Variants in MCU observed in about 807,000 individuals in gnomAD.
MCU encodes mitochondrial calcium uniporter, also known as calcium uniporter protein, mitochondrial.
A neutral mutation model predicts 45.2 loss-of-function variants in MCU; 12 were observed. The observed-to-expected ratio is 0.27, with a 90% CI of 0.17 to 0.43. MCU has a LOEUF of 0.43. Ranked by LOEUF, MCU falls within the 20% of genes least tolerant of loss-of-function variation. MCU has a pLI of 1.00. For missense variants in MCU, 324 were observed against 436.7 expected, an observed-to-expected ratio of 0.74 and a Z score of 2.30; for synonymous variants, 160 against 165.1, an observed-to-expected ratio of 0.97 and a Z score of 0.24.
chr10:72,706,249 T>C (rs1228444359), intron 1 of MCU, among the ~76,000 whole-genome samples: 2 of 151,832 alleles, frequency 1.3e-5, no homozygotes, highest in African/African-American at 2.4e-5. Context: ...TAGCCATTAC[T>C]AAGCATGAAA....
At position 72,885,939 on chromosome 10, in the gene MCU, T is replaced by A; in HGVS notation, c.*117T>A. On this transcript the variant is annotated 3_prime_UTR_variant, in exon 8 of 8. Transcript: ENST00000373053. The stretch of plus-strand genomic sequence containing the variant: ...GGTAGAGCGTTTTTACCTTTAATTA[T>A]AAAACAAAAACAGAAAGGATCTGAG... 1.4e-6 allele frequency: 1 copy of A among 711,592 alleles called. No homozygotes were observed. Among genetic ancestry groups the A allele is most frequent in the Non-Finnish European group, 2.4e-6 (1 of 417,036 alleles). 44.1% of individuals were successfully genotyped at this position (711,592 alleles called of 1,614,324 possible).
At chr10:72,799,504 A>T (rs2132778321) in intron 1 of MCU, among the ~76,000 whole-genome samples, 1 of 151,730 alleles carries the variant, frequency 6.6e-6, no homozygotes, top group African/African-American at 2.4e-5. Context: ...TTTTTTTTAA[A>T]CAAGATGCGG....
At chr10:72,747,510 T>G (rs1261640859) in intron 1 of MCU, among the ~76,000 whole-genome samples, 1 of 152,116 alleles carries the variant, frequency 6.6e-6, no homozygotes, top group African/African-American at 2.4e-5. Flanking sequence ...CTATTGGTAA[T>G]ACAAAAATTA....
chr10:72,856,859 G>A (rs1454314831), intron 2 of MCU, among the ~76,000 whole-genome samples: 3 of 143,598 alleles, frequency 2.1e-5, no homozygotes, highest in South Asian at 2.2e-4. Context: ...CAAAAGAATC[G>A]CTTGAGCTTG....
At chr10:72,748,107 G>A (rs1272564016) in intron 1 of MCU, among the ~76,000 whole-genome samples, 1 of 151,274 alleles carries the variant, frequency 6.6e-6, no homozygotes, top group Non-Finnish European at 1.5e-5. Flanking sequence ...GAGTGCAATG[G>A]CACGATCTCA....
At chr10:72,841,665 G>A (rs1391540911) in intron 2 of MCU, among the ~76,000 whole-genome samples, 2 of 152,144 alleles carry the variant, frequency 1.3e-5, no homozygotes, top group East Asian at 3.9e-4. Context: ...TCCAAACTTA[G>A]CAATGTGCAC....
chr10:72,800,338 A>G (rs1232284383), intron 1 of MCU, among the ~76,000 whole-genome samples: 2 of 152,182 alleles, frequency 1.3e-5, no homozygotes, highest in Non-Finnish European at 2.9e-5. Context: ...GCCTATGTGT[A>G]TAAGGTGTAT....
chr10:72,871,211 A>G (rs144439886), intron 5 of MCU, among the ~76,000 whole-genome samples, 166 bp from the exon 6 acceptor site: 1 of 152,192 alleles, frequency 6.6e-6, no homozygotes, highest in Non-Finnish European at 1.5e-5. Flanking sequence ...AAGATATTTT[A>G]TTCAGTGAAA....
chr10:72,817,062 A>C (rs1844638918), intron 1 of MCU, among the ~76,000 whole-genome samples: 1 of 152,208 alleles, frequency 6.6e-6, no homozygotes, highest in African/African-American at 2.4e-5. Flanking sequence ...AGAAGCATTC[A>C]GGAGAATCAT....
chr10:72,811,710 A>G (rs1013738235), intron 1 of MCU, among the ~76,000 whole-genome samples: 6 of 152,216 alleles, frequency 3.9e-5, no homozygotes, highest in African/African-American at 1.4e-4. Flanking sequence ...TCTCTGTATT[A>G]AGAGACTAAG....
At chr10:72,790,555 AT>A (rs757862455) in intron 1 of MCU, among the ~76,000 whole-genome samples, 1 of 152,212 alleles carries the variant, frequency 6.6e-6, no homozygotes, top group Non-Finnish European at 1.5e-5. Context: ...TTTGAATTCT[AT>A]TATCTTGTGG....
At chr10:72,797,062 A>T (rs1370555640) in intron 1 of MCU, among the ~76,000 whole-genome samples, 1 of 151,988 alleles carries the variant, frequency 6.6e-6, no homozygotes, top group Non-Finnish European at 1.5e-5. Context: ...TACAGAGTGC[A>T]CCCATAATAT....
rs71021537 is a variant in MCU, at chr10:72,813,450, C to CTTT, written c.151-20885_151-20883dup. 4.6e-3 allele frequency among the ~76,000 whole-genome samples: 351 copies of CTTT among 76,220 alleles called. 33 individuals carry two copies. The highest frequency in any genetic ancestry group is 6.4e-3 in the Non-Finnish European group (267 of 41,612). 50.0% of individuals were successfully genotyped at this position (76,220 alleles called of 152,430 possible). A position where few individuals can be genotyped will look rare whatever the true frequency, so the allele number is the denominator to read the frequency against. On this transcript the variant is annotated intron_variant, in intron 1 of 7. Coordinates refer to ENST00000373053, the MANE Select transcript of MCU (RefSeq NM_138357.3). Reference sequence around the variant, plus strand: ...CTGTTAATTTAAATACCAGCTCTCTCTTTTTTTTTTTTTTTTTTTTTTTTT... The same window carrying CTTT: ...CTGTTAATTTAAATACCAGCTCTCTCTTTTTTTTTTTTTTTTTTTTTTTTTTTT...
chr10:72,811,325 C>A (rs1266811410), intron 1 of MCU, among the ~76,000 whole-genome samples: 1 of 152,120 alleles, frequency 6.6e-6, no homozygotes, highest in Non-Finnish European at 1.5e-5. Context: ...GAATTTGTTG[C>A]GAACTTGTTA....
intron 1 of MCU, among the ~76,000 whole-genome samples, chr10:72,786,805 T>C (rs1844078492): frequency 6.6e-6 from 1 of 152,116 alleles, no homozygotes; most frequent in African/African-American, 2.4e-5. Context: ...AAAGCACTGC[T>C]TTTTCAGTTT....
At chr10:72,838,507 A>T (rs1468426185) in intron 2 of MCU, among the ~76,000 whole-genome samples, 1 of 152,078 alleles carries the variant, frequency 6.6e-6, no homozygotes, top group South Asian at 2.1e-4. Context: ...GCTACTTGGG[A>T]GGCTAAGGTG....
chr10:72,843,140 A>G (rs1457330043), intron 2 of MCU, among the ~76,000 whole-genome samples: 1 of 152,180 alleles, frequency 6.6e-6, no homozygotes, highest in Non-Finnish European at 1.5e-5. Flanking sequence ...ATGAGCCTGC[A>G]TTGACGCATC....
intron 1 of MCU, among the ~76,000 whole-genome samples, chr10:72,753,117 A>T (rs1843525788): frequency 6.6e-6 from 1 of 152,198 alleles, no homozygotes; most frequent in Non-Finnish European, 1.5e-5. Flanking sequence ...TCTTTCTTGG[A>T]GGATACCAGT....
rs1564579923 is a variant in MCU at position 72,869,635 on chromosome 10, C to CA, written c.657+779dup. Among the ~76,000 whole-genome samples the CA allele has an allele frequency of 2.0e-5, 3 of 151,926 alleles. No individual in the cohort carries two copies. The South Asian group carries it at 6.2e-4, about 32-fold the overall frequency. On this transcript the variant is annotated intron_variant, in intron 5 of 7. Coordinates refer to ENST00000373053, the MANE Select transcript of MCU (RefSeq NM_138357.3). ...CAACAACAAAATAACAATACAACAA[C>CA]AAAAAAATACAAATTTTAAAAATCA...
Sources: allele counts gnomAD v4.1 joint callset (sites outside exome capture counted in the v4.1 genomes callset), GRCh38; gene constraint gnomAD v4.1.1; transcripts MANE v1.5; gene names NCBI Gene and HGNC (gene_info 2026-07-23, HGNC 2026-07-21).